The following TMEM233 variants were observed in gnomAD, a reference collection of about 807,000 sequenced individuals.
TMEM233 encodes the protein transmembrane protein 233.
TMEM233 carries 6 observed loss-of-function variants against 11.2 expected under a neutral mutation model. That is an observed-to-expected ratio of 0.54 (90% CI 0.29 to 1.06). The LOEUF is 1.06. TMEM233 is among the 50% of genes least tolerant of loss of function. The pLI is 0.08. For missense variants in TMEM233, 127 were observed against 144.7 expected, an observed-to-expected ratio of 0.88 and a Z score of 0.63; for synonymous variants, 59 against 55.8, an observed-to-expected ratio of 1.06 and a Z score of -0.26.
intron 1 of TMEM233, among the ~76,000 whole-genome samples, chr12:119,624,729 G>C (rs1375963121): frequency 6.6e-6 from 1 of 152,020 alleles, no homozygotes; most frequent in Non-Finnish European, 1.5e-5. Context: ...GTTTCCATTG[G>C]GGAAGATGAA....
chr12:119,603,466 T>A (rs1465775995), intron 1 of TMEM233, among the ~76,000 whole-genome samples: 2 of 152,232 alleles, frequency 1.3e-5, no homozygotes, highest in Admixed American at 1.3e-4. Flanking sequence ...TGAATGTCAA[T>A]GATGACTTTG....
chr12:119,637,745 G>A (rs1954996958), intron 2 of TMEM233, among the ~76,000 whole-genome samples: 1 of 152,182 alleles, frequency 6.6e-6, no homozygotes, highest in Non-Finnish European at 1.5e-5. Flanking sequence ...TAAGTTGCCA[G>A]CAACAATGGA....
chr12:119,596,430 CCCCTCTTCCCCATT>C (rs896441041), intron 1 of TMEM233, among the ~76,000 whole-genome samples: 5 of 151,820 alleles, frequency 3.3e-5, no homozygotes, highest in African/African-American at 1.2e-4. Context: ...CTTTTCTAAT[CCCCTCTTCCCCATT>C]CCCTCCCCCA....
chr12:119,619,534 G>A (rs1954601890), intron 1 of TMEM233, among the ~76,000 whole-genome samples: 1 of 151,870 alleles, frequency 6.6e-6, no homozygotes. Flanking sequence ...CCAGATACTT[G>A]GGAGGCTGAG....
chr12:119,625,987 T>C (rs1282515408), intron 1 of TMEM233, among the ~76,000 whole-genome samples: 3 of 152,226 alleles, frequency 2.0e-5, no homozygotes, highest in Non-Finnish European at 4.4e-5. Flanking sequence ...ACATTGCATA[T>C]AATTGTTAGG....
At chr12:119,635,814 A>G (rs1184819234) in intron 2 of TMEM233, among the ~76,000 whole-genome samples, 4 of 148,968 alleles carry the variant, frequency 2.7e-5, no homozygotes, top group South Asian at 4.1e-4. Flanking sequence ...TCAAGGCAAC[A>G]CTTACTTATG....
chr12:119,599,898 C>T (rs942833755), intron 1 of TMEM233, among the ~76,000 whole-genome samples: 1 of 152,082 alleles, frequency 6.6e-6, no homozygotes, highest in African/African-American at 2.4e-5. Flanking sequence ...AGGTGCCAAG[C>T]TGAAAACGAG....
intron 1 of TMEM233, among the ~76,000 whole-genome samples, chr12:119,611,761 G>T (rs546449127): frequency 6.6e-6 from 1 of 152,116 alleles, no homozygotes; most frequent in South Asian, 2.1e-4. Flanking sequence ...ACACTGGGAG[G>T]GGGTACAGAT....
At chr12:119,605,409 C>CTTTTT (rs6144897) in intron 1 of TMEM233, among the ~76,000 whole-genome samples, 3 of 93,626 alleles carry the variant, frequency 3.2e-5, no homozygotes, top group Admixed American at 1.5e-4. Context: ...TATGCCTTTC[C>CTTTTT]TTTTTTTTTT....
At chr12:119,609,069 G>A (rs1954341846) in intron 1 of TMEM233, among the ~76,000 whole-genome samples, 1 of 152,192 alleles carries the variant, frequency 6.6e-6, no homozygotes. Flanking sequence ...GGAAAATGTG[G>A]GAAAGTTTGG....
chr12:119,628,437 A>G (rs938766097), intron 1 of TMEM233, among the ~76,000 whole-genome samples: 4 of 148,872 alleles, frequency 2.7e-5, no homozygotes, highest in African/African-American at 7.4e-5. Context: ...CTGGGATTAC[A>G]GGCGTGAGCC....
chr12:119,639,620 T>G (rs539562879), intron 2 of TMEM233, among the ~76,000 whole-genome samples: 1 of 150,264 alleles, frequency 6.7e-6, no homozygotes, highest in Non-Finnish European at 1.5e-5. Context: ...AGACTCCATC[T>G]CAAAAAAAAA....
chr12:119,640,118 A>C (rs1257719853), intron 2 of TMEM233, among the ~76,000 whole-genome samples: 1 of 151,720 alleles, frequency 6.6e-6, no homozygotes, highest in Non-Finnish European at 1.5e-5. Context: ...AATGCTCAAG[A>C]GGCATTTTTC....
chr12:119,638,702 A>AC (rs1955017415), intron 2 of TMEM233, among the ~76,000 whole-genome samples: 1 of 152,072 alleles, frequency 6.6e-6, no homozygotes, highest in Non-Finnish European at 1.5e-5. Context: ...TTAAATTAGG[A>AC]GTGATGTATT....
chr12:119,598,045 T>C (rs569052700), intron 1 of TMEM233, among the ~76,000 whole-genome samples: 12 of 152,340 alleles, frequency 7.9e-5, no homozygotes, highest in Admixed American at 3.3e-4. Context: ...TTATTCCATG[T>C]GAAAGAACCC....
intron 1 of TMEM233, among the ~76,000 whole-genome samples, chr12:119,602,208 CAA>C (rs140545212): frequency 0.03 from 4,510 of 152,258 alleles, 226 homozygotes; most frequent in African/African-American, 0.1. Context: ...GCTCACACGT[CAA>C]AACTGCTTCA....
At chr12:119,602,604 C>T (rs1408650159) in intron 1 of TMEM233, among the ~76,000 whole-genome samples, 1 of 152,212 alleles carries the variant, frequency 6.6e-6, no homozygotes, top group Non-Finnish European at 1.5e-5. Context: ...AGCAGCCCTG[C>T]CTCATCAGTT....
intron 1 of TMEM233, among the ~76,000 whole-genome samples, chr12:119,621,214 AT>A (rs776157602): frequency 1.1e-4 from 17 of 152,094 alleles, no homozygotes; most frequent in Non-Finnish European, 2.2e-4. Flanking sequence ...ACGCCAGCTA[AT>A]TTTTTGTAGA....
At chr12:119,650,777 G>T in the TMEM233 span, among the ~76,000 whole-genome samples, 1 of 152,152 alleles carries the variant, frequency 6.6e-6, no homozygotes, top group Non-Finnish European at 1.5e-5. Flanking sequence ...CCAGTAGCTG[G>T]GATTACAGGC....
Sources: gnomAD v4.1 joint callset for allele counts (sites outside exome capture counted in the v4.1 genomes callset) on GRCh38, gnomAD v4.1.1 for gene constraint, MANE v1.5 for transcripts, NCBI Gene and HGNC (gene_info 2026-07-23, HGNC 2026-07-21) for gene names.